The following AGFG2 variants were observed in gnomAD, a reference collection of about 807,000 sequenced individuals.
AGFG2 encodes the protein ArfGAP with FG repeats 2, also known as arf-GAP domain and FG repeat-containing protein 2.
AGFG2 carries 31 observed loss-of-function variants against 48.0 expected under a neutral mutation model. The ratio of observed to expected loss-of-function variants is 0.65; its 90% CI spans 0.49 to 0.87. AGFG2 has a LOEUF of 0.87. Among genes scored for constraint, AGFG2 ranks in the 40% least tolerant of loss-of-function variants. AGFG2 has a pLI of 0.00. For missense variants in AGFG2, 599 were observed against 632.6 expected, an observed-to-expected ratio of 0.95 and a Z score of 0.57; for synonymous variants, 229 against 260.8, an observed-to-expected ratio of 0.88 and a Z score of 1.18.
intron 9 of AGFG2, among the ~76,000 whole-genome samples, chr7:100,563,155 G>A (rs560511491): frequency 1.3e-5 from 2 of 152,318 alleles, no homozygotes; most frequent in South Asian, 2.1e-4. Context: ...GCTACTTACC[G>A]GAGACCGCAC....
At chr7:100,543,417 G>C (rs1800459323) in intron 1 of AGFG2, among the ~76,000 whole-genome samples, 2 of 152,196 alleles carry the variant, frequency 1.3e-5, no homozygotes, top group Admixed American at 1.3e-4. Context: ...GGAAGAAATT[G>C]AAATACCACA....
intron 6 of AGFG2, among the ~76,000 whole-genome samples, chr7:100,559,818 C>CAAAA (rs199577248): frequency 1.0e-5 from 1 of 97,440 alleles, no homozygotes; most frequent in Non-Finnish European, 2.2e-5. Flanking sequence ...GACCCTGTCT[C>CAAAA]AAAAAAAAAA....
At chr7:100,560,486 G>A (rs1285845018) in intron 6 of AGFG2, among the ~76,000 whole-genome samples, 2 of 152,146 alleles carry the variant, frequency 1.3e-5, no homozygotes, top group Non-Finnish European at 2.9e-5. Context: ...GCCCCACCCA[G>A]GTGGCTTTCT....
At chr7:100,549,827 G>A (rs1301594858) in intron 2 of AGFG2, among the ~76,000 whole-genome samples, 1 of 152,048 alleles carries the variant, frequency 6.6e-6, no homozygotes, top group Non-Finnish European at 1.5e-5. Flanking sequence ...CAAGTAGCTC[G>A]AACTATAGGC....
rs1353202894 is a variant in AGFG2, at chr7:100,566,221, G to A, written c.*1230G>A. ...CCACCACTGCCGGGGACTGGAGTTT[G>A]TTGGATGTGAGGGGAATGCCCACTG... On this transcript the variant is annotated 3_prime_UTR_variant, in exon 12 of 12. Transcript: ENST00000300176. The A allele has an allele frequency of 6.6e-6, 1 of 152,290 alleles. No individual in the cohort carries two copies. Among genetic ancestry groups the A allele is most frequent in the Admixed American group, 6.5e-5 (1 of 15,284 alleles). The allele number at this position is 152,290 out of a possible 1,614,324, so 9.4% of individuals were successfully genotyped here.
chr7:100,542,929 C>T (rs1368587514), intron 1 of AGFG2, among the ~76,000 whole-genome samples: 2 of 152,130 alleles, frequency 1.3e-5, no homozygotes, highest in Non-Finnish European at 2.9e-5. Flanking sequence ...CCCATTTTCA[C>T]GGAGCTGACA....
At chr7:100,549,668 A>G (rs1800584751) in intron 2 of AGFG2, among the ~76,000 whole-genome samples, 3 of 151,844 alleles carry the variant, frequency 2.0e-5, no homozygotes, top group Admixed American at 6.6e-5. Flanking sequence ...GTCCATGCTC[A>G]ATATTTGTTT....
intron 9 of AGFG2, 116 bp from the exon 10 acceptor site, chr7:100,563,718 C>G: frequency 6.8e-7 from 1 of 1,477,904 alleles, no homozygotes; most frequent in Non-Finnish European, 9.2e-7. Flanking sequence ...GTCCCTCGTT[C>G]CTCATGTCAG....
At position 100,554,093 on chromosome 7, in the gene AGFG2, C is replaced by T; in HGVS notation, c.586C>T (p.Pro196Ser). The T allele has an allele frequency of 1.2e-6, 2 of 1,612,156 alleles. No homozygotes were observed. The highest frequency in any genetic ancestry group is 8.5e-7 in the Non-Finnish European group (1 of 1,179,052). The change falls in exon 5 of 12, where the codon CCC becomes TCC. Residue 196 changes from proline to serine, a missense_variant and splice_region_variant. Pro to Ser is a moderately conservative substitution (Grantham distance 74). Transcript: ENST00000300176. ...LSVAASTSSQ[P>S]VSQSHARTSQ... is the part of the protein sequence containing the mutation. ...CTGTATGCATTCCTTCTCCTCCAAG[C>T]CCGTCAGTCAGTCTCACGCTCGGAC...
At position 100,565,644 on chromosome 7, in the gene AGFG2, T is replaced by C. The variant is rs1800990022; in HGVS notation, c.*653T>C. ...TTATATTTATACATAGAGAGGATTT[T>C]CTAATATAGCCTATTATATATAAAT... On this transcript the variant is annotated 3_prime_UTR_variant, in exon 12 of 12. Coordinates refer to ENST00000300176, the MANE Select transcript of AGFG2 (RefSeq NM_006076.5). The C allele has an allele frequency of 6.5e-6, 1 of 153,194 alleles. No individual in the cohort carries two copies. The highest frequency in any genetic ancestry group is 1.5e-5 in the Non-Finnish European group (1 of 68,520). The allele number at this position is 153,194 out of a possible 1,614,324, so 9.5% of individuals were successfully genotyped here.
At chr7:100,547,397 G>T (rs1044631064) in intron 1 of AGFG2, among the ~76,000 whole-genome samples, 15 of 150,576 alleles carry the variant, frequency 1.0e-4, no homozygotes, top group African/African-American at 3.7e-4. Context: ...TGAGCAACTC[G>T]ATTTGGCCAT....
chr7:100,539,639 C>T (rs1309263138), intron 1 of AGFG2, 72 bp downstream of exon 1: 1 of 1,169,276 alleles, frequency 8.6e-7, no homozygotes, highest in East Asian at 3.3e-5. Flanking sequence ...GGCCGGGGCT[C>T]CGGGGCGCGA....
chr7:100,558,838 T>G (rs1800810824), intron 6 of AGFG2, among the ~76,000 whole-genome samples: 2 of 152,134 alleles, frequency 1.3e-5, no homozygotes, highest in African/African-American at 4.8e-5. Flanking sequence ...TCTGGCTGTC[T>G]CAAAAAGCAG....
Position 100,562,406 on chromosome 7 carries a change from T to A in AGFG2, c.998+27T>A. On this transcript the variant is annotated intron_variant, in intron 7 of 11. Coordinates refer to ENST00000300176, the MANE Select transcript of AGFG2 (RefSeq NM_006076.5). The surrounding 1 kb of genome is among the most constrained non-coding windows in gnomAD (Gnocchi z 5.4). The stretch of plus-strand genomic sequence containing the variant: ...TAGGTACAGACAGTGGGCAGTCTGC[T>A]GTAGGGCAGGAGAGCCGCCCGAAGC... 3.7e-6 allele frequency: 6 copies of A among 1,611,704 alleles called. No individual in the cohort carries two copies. Among genetic ancestry groups the A allele is most frequent in the Non-Finnish European group, 5.1e-6 (6 of 1,178,554 alleles).
intron 1 of AGFG2, among the ~76,000 whole-genome samples, chr7:100,547,673 T>G (rs1390018822): frequency 6.6e-6 from 1 of 152,076 alleles, no homozygotes; most frequent in East Asian, 1.9e-4. Context: ...TCTTATAATC[T>G]CCACAGGGTT....
chr7:100,564,010 A>G (rs1318391357), intron 10 of AGFG2, 48 bp downstream of exon 10: 2 of 1,593,164 alleles, frequency 1.3e-6, no homozygotes, highest in African/African-American at 1.3e-5. Context: ...CCATCTCTGC[A>G]TAGAGATCAG....
At chr7:100,556,636 T>C (rs200924185) in intron 6 of AGFG2, 92 of 1,289,248 alleles carry the variant, frequency 7.1e-5, no homozygotes, top group Admixed American at 3.0e-4. Context: ...GGTAAGTTAT[T>C]ATCCCCACCC....
Position 100,562,475 on chromosome 7 carries a change from C to T in AGFG2, c.998+96C>T. 2 of 1,595,988 alleles carry T rather than the reference C, an allele frequency of 1.3e-6. No homozygotes were observed. The highest frequency in any genetic ancestry group is 1.7e-6 in the Non-Finnish European group (2 of 1,170,060). On this transcript the variant is annotated intron_variant, in intron 7 of 11. Coordinates refer to ENST00000300176, the MANE Select transcript of AGFG2 (RefSeq NM_006076.5). This position sits in a 1 kb window ranked among gnomAD's most constrained non-coding sequence, Gnocchi z 5.4. ...GCCCCATCGGCATCTCCTGGCAGTTCTCCCCTCCCCTCCTCTCCCTTACTC... is the reference window on the plus strand; with the variant it reads ...GCCCCATCGGCATCTCCTGGCAGTTTTCCCCTCCCCTCCTCTCCCTTACTC...
Position 100,551,073 on chromosome 7 carries a change from T to A in AGFG2, c.431+562T>A, listed in dbSNP as rs1396678413. The stretch of plus-strand genomic sequence containing the variant: ...ATATATATATATATATATATTTCTT[T>A]TTTTTTTTTTTTTTGAGACAGAGTC... On this transcript the variant is annotated intron_variant, in intron 3 of 11. Transcript: ENST00000300176. Among the ~76,000 whole-genome samples, 147 of 121,588 alleles carry A rather than the reference T, an allele frequency of 1.2e-3. 2 individuals are homozygous for A. The highest frequency in any genetic ancestry group is 3.1e-3 in the African/African-American group (95 of 30,298). The allele number at this position is 121,588 out of a possible 152,430, so 79.8% of individuals were successfully genotyped here.
Sources: gnomAD v4.1 joint callset for allele counts (sites outside exome capture counted in the v4.1 genomes callset) on GRCh38, gnomAD v4.1.1 for gene constraint, Gnocchi (gnomAD v3.1) non-coding constraint, MANE v1.5 for transcripts, NCBI Gene and HGNC (gene_info 2026-07-23, HGNC 2026-07-21) for gene names.